GLT6D1: variants seen among roughly 807,000 people sequenced by gnomAD.
GLT6D1 encodes the protein glycosyltransferase 6 domain containing 1.
GLT6D1 carries 9 observed loss-of-function variants against 12.3 expected under a neutral mutation model. That is an observed-to-expected ratio of 0.73 (90% CI 0.44 to 1.27). The LOEUF (loss-of-function observed/expected upper bound fraction) is 1.27, where lower values mean the gene tolerates loss of function less well. GLT6D1 is among the 50% of genes most tolerant of loss of function. The pLI is 0.00. For missense variants in GLT6D1, 335 were observed against 346.2 expected (o/e 0.97, Z 0.26); for synonymous variants, 128 against 132.3 (o/e 0.97, Z 0.23).
chr9:135,626,281 T>A (rs2119131848), intron 3 of GLT6D1, 75 bp from the exon 4 acceptor site: 2 of 1,515,254 alleles, frequency 1.3e-6, no homozygotes, highest in East Asian at 4.5e-5. Context: ...CAGTAATGCC[T>A]AATGCTTAGA....
intron 3 of GLT6D1, among the ~76,000 whole-genome samples, chr9:135,629,332 C>T (rs955564738): frequency 6.6e-6 from 1 of 152,030 alleles, no homozygotes; most frequent in African/African-American, 2.4e-5. Flanking sequence ...TTTTCAATCA[C>T]CTTAAAATTT....
chr9:135,626,109 G>A lies in GLT6D1; in HGVS notation c.217C>T (p.Arg73Trp), dbSNP rs745525156. 74 of 1,613,882 alleles carry A rather than the reference G, an allele frequency of 4.6e-5. No homozygotes were observed. Among genetic ancestry groups the A allele is most frequent in the East Asian group, 1.1e-4 (5 of 44,888 alleles). The change falls in exon 4 of 5, where the codon CGG (arginine) becomes TGG (tryptophan). Residue 73 changes from arginine (R) to tryptophan (W), a missense_variant. By Grantham distance (101) the Arg-to-Trp change is moderately radical (BLOSUM62 -3). Transcript: ENST00000371763. Reference sequence around the variant, plus strand: ...ACGGCCAGGCCCACAGTGATATTCCGCCTTCTGTAATGTTTTTCCAGGACC... The same window carrying A: ...ACGGCCAGGCCCACAGTGATATTCCACCTTCTGTAATGTTTTTCCAGGACC... ...RRVLEKHYRR[R>W]NITVGLAVFA... is the part of the protein sequence containing the mutation.
At chr9:135,636,819 C>T (rs1268586710) in intron 2 of GLT6D1, among the ~76,000 whole-genome samples, 1 of 152,108 alleles carries the variant, frequency 6.6e-6, no homozygotes, top group African/African-American at 2.4e-5. Flanking sequence ...AGGGTTCCTC[C>T]ATGTCTTCTA....
At chr9:135,640,123 T>C (rs1173297673), upstream of GLT6D1, among the ~76,000 whole-genome samples, 1 of 152,182 alleles carries the variant, frequency 6.6e-6, no homozygotes, top group Non-Finnish European at 1.5e-5. Flanking sequence ...ACTTTAGCTC[T>C]GCACTGATAG....
chr9:135,634,545 C>T lies in GLT6D1; in HGVS notation c.72-3067G>A, dbSNP rs145917067. ...TAGAGAAGATTCAGCTTTACAAAAA[C>T]GTTCTAAAGCTAGTATGCGGAATCC... is the stretch of plus-strand genomic sequence containing the variant. On this transcript the variant is annotated intron_variant, in intron 2 of 4. Coordinates refer to ENST00000371763, the MANE Select transcript of GLT6D1 (RefSeq NM_182974.3). Among the ~76,000 whole-genome samples the T allele has an allele frequency of 5.1e-3, 696 of 136,188 alleles. 4 individuals are homozygous for T. Among genetic ancestry groups the T allele is most frequent in the Non-Finnish European group, 7.2e-3 (466 of 64,884 alleles). The allele number at this position is 136,188 out of a possible 152,430, so 89.3% of individuals were successfully genotyped here.
rs1430140186 is a variant in GLT6D1, at chr9:135,635,518, G to A, written c.71+3599C>T. ...AGGTCTGCTGCTTTCCTGGAGAATG[G>A]TGCTAGAAACAAGATCTGTTGCTTT... On this transcript the variant is annotated intron_variant, in intron 2 of 4. Coordinates refer to ENST00000371763, the MANE Select transcript of GLT6D1 (RefSeq NM_182974.3). 3.3e-5 allele frequency among the ~76,000 whole-genome samples: 5 copies of A among 152,070 alleles called. No individual in the cohort carries two copies. In the East Asian group the frequency reaches 7.7e-4, roughly 23 times the overall value.
upstream of GLT6D1, among the ~76,000 whole-genome samples, chr9:135,639,842 CTTTT>C (rs5901082): frequency 3.2e-5 from 4 of 126,808 alleles, no homozygotes; most frequent in Non-Finnish European, 1.7e-5. Context: ...CTGATTTTCA[CTTTT>C]TTTTTTTTTT....
chr9:135,634,096 C>A (rs1487324685), intron 2 of GLT6D1, among the ~76,000 whole-genome samples: 1 of 152,162 alleles, frequency 6.6e-6, no homozygotes, highest in Non-Finnish European at 1.5e-5. Flanking sequence ...ACAAATGACA[C>A]AAAATACATG....
chr9:135,628,845 T>C (rs777923133), intron 3 of GLT6D1, among the ~76,000 whole-genome samples: 1 of 152,090 alleles, frequency 6.6e-6, no homozygotes, highest in South Asian at 2.1e-4. Flanking sequence ...TTTGTTGGCA[T>C]ACAATTAATC....
chr9:135,628,688 C>T (rs1412022149), intron 3 of GLT6D1, among the ~76,000 whole-genome samples: 1 of 151,978 alleles, frequency 6.6e-6, no homozygotes, highest in African/African-American at 2.4e-5. Context: ...ACATAGTTTA[C>T]CAATGACATT....
At chr9:135,638,732 TA>T (rs1486064381) in intron 2 of GLT6D1, among the ~76,000 whole-genome samples, 1 of 152,248 alleles carries the variant, frequency 6.6e-6, no homozygotes, top group Non-Finnish European at 1.5e-5. Flanking sequence ...ATGAAATAAT[TA>T]AAATATGTAT....
intron 2 of GLT6D1, among the ~76,000 whole-genome samples, chr9:135,637,372 G>GT (rs1170496858): frequency 4.0e-5 from 6 of 150,498 alleles, no homozygotes; most frequent in African/African-American, 1.5e-4. Flanking sequence ...GGGTTTGTGT[G>GT]GACATAAGTG....
At position 135,639,102 on chromosome 9, in the gene GLT6D1, A is replaced by G; in HGVS notation, c.71+15T>C. The stretch of plus-strand genomic sequence containing the variant: ...AATCACTAAAGATCATGATTTATCA[A>G]TACTTTATATTTACCTGAAATAACG... On this transcript the variant is annotated intron_variant, in intron 2 of 4. Coordinates refer to ENST00000371763, the MANE Select transcript of GLT6D1 (RefSeq NM_182974.3). 1 of 1,388,024 alleles carries G rather than the reference A, an allele frequency of 7.2e-7. No individual in the cohort carries two copies. Among genetic ancestry groups the G allele is most frequent in the Non-Finnish European group, 1.0e-6 (1 of 980,408 alleles). 86.0% of individuals were successfully genotyped at this position (1,388,024 alleles called of 1,614,324 possible).
At chr9:135,635,672 T>C (rs1833758301) in intron 2 of GLT6D1, among the ~76,000 whole-genome samples, 1 of 152,244 alleles carries the variant, frequency 6.6e-6, no homozygotes, top group South Asian at 2.1e-4. Context: ...TGCTCATTGC[T>C]TCCAGGGTGT....
intron 2 of GLT6D1, among the ~76,000 whole-genome samples, chr9:135,634,854 A>T (rs1833735997): frequency 6.6e-6 from 1 of 151,820 alleles, no homozygotes; most frequent in Non-Finnish European, 1.5e-5. Flanking sequence ...CCCCATCATG[A>T]CTTCCTATTG....
intron 3 of GLT6D1, among the ~76,000 whole-genome samples, chr9:135,627,941 A>T (rs550926113): frequency 1.7e-3 from 263 of 152,292 alleles, no homozygotes; most frequent in African/African-American, 5.7e-3. Context: ...AGACTAATAA[A>T]GTTGGGCATC....
intron 2 of GLT6D1, among the ~76,000 whole-genome samples, chr9:135,636,291 T>C (rs1833770740): frequency 6.6e-6 from 1 of 152,128 alleles, no homozygotes; most frequent in Non-Finnish European, 1.5e-5. Context: ...GAGGCAGAAG[T>C]TGTGGTGAGT....
In GLT6D1 at chr9:135,624,646, C is replaced by T. The variant is rs765609739; in HGVS notation, c.282G>A (p.Pro94=). ...TGRFAEEYLR[P]FLHSANKHFM... ...AGTGCTTATTTGCGGAGTGTAGGAACGGCCTCAGGTACTCCTCTGCAAACC... is the reference window on the plus strand; with the variant it reads ...AGTGCTTATTTGCGGAGTGTAGGAATGGCCTCAGGTACTCCTCTGCAAACC... The change falls in exon 5 of 5, where the codon CCG becomes CCA. Residue 94 remains proline, a synonymous_variant. Coordinates refer to ENST00000371763, the MANE Select transcript of GLT6D1 (RefSeq NM_182974.3). 1.9e-5 allele frequency: 31 copies of T among 1,594,108 alleles called. No homozygotes were observed. Among genetic ancestry groups the T allele is most frequent in the East Asian group, 1.8e-4 (8 of 44,428 alleles).
At chr9:135,626,992 G>A (rs1005866661) in intron 3 of GLT6D1, among the ~76,000 whole-genome samples, 1 of 152,044 alleles carries the variant, frequency 6.6e-6, no homozygotes, top group African/African-American at 2.4e-5. Context: ...GTAATAGAGG[G>A]GAATCCCCTC....
Sources: gnomAD v4.1 joint callset for allele counts (sites outside exome capture counted in the v4.1 genomes callset) on GRCh38, gnomAD v4.1.1 for gene constraint, MANE v1.5 for transcripts, NCBI Gene and HGNC (gene_info 2026-07-23, HGNC 2026-07-21) for gene names.